The following CSMD3 variants were observed in gnomAD, a reference collection of about 807,000 sequenced individuals.
The protein encoded by CSMD3 is CUB and sushi domain-containing protein 3.
In CSMD3, 177 loss-of-function variants were observed where a neutral mutation model predicts 435.2. That is an observed-to-expected ratio of 0.41 (90% CI 0.36 to 0.46). CSMD3 has a LOEUF of 0.46. Among genes scored for constraint, CSMD3 ranks in the 20% least tolerant of loss-of-function variants. CSMD3 has a pLI of 0.34. For synonymous variants in CSMD3, 1,656 were observed against 1,520.5 expected (o/e 1.09, Z -2.07); for missense variants, 4,265 against 4,504.6 (o/e 0.95, Z 1.52).
intron 10 of CSMD3, among the ~76,000 whole-genome samples, chr8:112,887,198 GTTTT>G (rs200825945): frequency 7.4e-6 from 1 of 135,206 alleles, no homozygotes; most frequent in Non-Finnish European, 1.6e-5. Context: ...ACAATTATTT[GTTTT>G]TTTTTTTTTT....
chr8:112,584,849 A>G (rs765047312), intron 23 of CSMD3, among the ~76,000 whole-genome samples: 25 of 151,482 alleles, frequency 1.7e-4, no homozygotes, highest in Non-Finnish European at 3.5e-4. Context: ...TCGATATTGT[A>G]AAGTACTGGA....
At chr8:113,168,317 G>T (rs1156770936) in intron 4 of CSMD3, among the ~76,000 whole-genome samples, 2 of 151,820 alleles carry the variant, frequency 1.3e-5, no homozygotes, top group Admixed American at 1.3e-4. Context: ...ACGAGGTCAA[G>T]AGATCAAGAC....
At chr8:112,447,088 A>G (rs1404468322) in intron 32 of CSMD3, among the ~76,000 whole-genome samples, 2 of 152,206 alleles carry the variant, frequency 1.3e-5, no homozygotes, top group Admixed American at 6.5e-5. Context: ...AAAATAAAAT[A>G]TAGTAGCAAA....
intron 28 of CSMD3, among the ~76,000 whole-genome samples, chr8:112,512,474 G>A (rs778591039): frequency 3.9e-5 from 6 of 152,092 alleles, no homozygotes; most frequent in East Asian, 1.9e-4. Context: ...CATTTTCAAC[G>A]AGCAGTGATA....
rs552307543 is a variant in CSMD3, at chr8:113,100,393, C to A, written c.710-1430G>T. ...AGTAATCCTGTCCTGCCGTCTCTAC[C>A]CTCAACCATAAATCACTTCTATTCT... On this transcript the variant is annotated intron_variant, in intron 4 of 70. Coordinates refer to ENST00000297405, the MANE Select transcript of CSMD3 (RefSeq NM_198123.2). Among the ~76,000 whole-genome samples the A allele has an allele frequency of 1.3e-4, 20 of 152,110 alleles. No homozygotes were observed. In the South Asian group the frequency reaches 4.1e-3, roughly 32 times the overall value.
chr8:112,946,679 G>C (rs7844427), intron 9 of CSMD3, among the ~76,000 whole-genome samples: 49,504 of 151,488 alleles, frequency 0.33, 8,238 homozygotes, highest in East Asian at 0.42. Flanking sequence ...AATAAAATCA[G>C]TATAACATGT....
intron 12 of CSMD3, among the ~76,000 whole-genome samples, chr8:112,804,654 TA>T (rs377714141): frequency 0.8 from 117,561 of 147,048 alleles, 46,685 homozygotes; most frequent in East Asian, 0.88. Context: ...TCATTGCATT[TA>T]TTTTATTTTA....
In CSMD3 at chr8:112,800,245, A is replaced by AGT; in HGVS notation, c.1888_1889insAC (p.Ile630AsnfsTer2). On this transcript the variant is annotated frameshift_variant, in exon 13 of 71. Transcript: ENST00000297405. LOFTEE classifies it high-confidence loss of function. ...CCACATTTGGCTACTCATGCTCACTATCAAGTCTGGTACAAAGCTTCCAGT... is the reference window on the plus strand; with the variant it reads ...CCACATTTGGCTACTCATGCTCACTAGTTCAAGTCTGGTACAAAGCTTCCAGT... 6.2e-7 allele frequency: 1 copy of AGT among 1,612,736 alleles called. No homozygotes were observed.
At chr8:113,012,951 T>C (rs1242298700) in intron 6 of CSMD3, among the ~76,000 whole-genome samples, 2 of 152,080 alleles carry the variant, frequency 1.3e-5, no homozygotes, top group Non-Finnish European at 2.9e-5. Context: ...TGGTGGGATA[T>C]ATGATTCCCT....
At chr8:112,409,153 T>G in intron 32 of CSMD3, 121 bp from the exon 33 acceptor site, 1 of 1,523,180 alleles carries the variant, frequency 6.6e-7, no homozygotes, top group Non-Finnish European at 8.8e-7. Flanking sequence ...AATAGTCATT[T>G]TTTTTCTACC....
At chr8:112,992,991 C>T (rs1215963459) in intron 6 of CSMD3, among the ~76,000 whole-genome samples, 1 of 151,770 alleles carries the variant, frequency 6.6e-6, no homozygotes, top group African/African-American at 2.4e-5. Flanking sequence ...TATTACAGAG[C>T]TTCTGCACTG....
chr8:113,334,695 T>A (rs970149373), intron 1 of CSMD3, among the ~76,000 whole-genome samples: 1 of 152,106 alleles, frequency 6.6e-6, no homozygotes, highest in African/African-American at 2.4e-5. Flanking sequence ...GTCAGGAGAT[T>A]TCTCTTTTCT....
chr8:113,197,050 T>C (rs539750142), intron 3 of CSMD3, among the ~76,000 whole-genome samples: 10 of 151,276 alleles, frequency 6.6e-5, no homozygotes, highest in East Asian at 1.9e-4. Flanking sequence ...GTACAGGACA[T>C]AAAAAGTGTT....
intron 13 of CSMD3, among the ~76,000 whole-genome samples, chr8:112,754,516 T>C (rs1014445675): frequency 1.3e-5 from 2 of 152,084 alleles, no homozygotes; most frequent in Non-Finnish European, 2.9e-5. Context: ...CAAAAAGGGT[T>C]CTAACAGGAA....
intron 13 of CSMD3, among the ~76,000 whole-genome samples, chr8:112,723,441 A>G (rs940570439): frequency 5.9e-5 from 9 of 152,182 alleles, no homozygotes; most frequent in African/African-American, 2.2e-4. Context: ...ACACTCTTGA[A>G]GGCAGCAAAT....
intron 7 of CSMD3, among the ~76,000 whole-genome samples, chr8:112,973,109 A>G (rs1461714793): frequency 6.6e-6 from 1 of 151,986 alleles, no homozygotes; most frequent in Non-Finnish European, 1.5e-5. Flanking sequence ...AAAAAGTCAG[A>G]TCATGCAGTT....
chr8:112,519,304 T>C (rs1328942594), intron 27 of CSMD3, among the ~76,000 whole-genome samples: 2 of 152,186 alleles, frequency 1.3e-5, no homozygotes, highest in Non-Finnish European at 2.9e-5. Context: ...CTTAACAACC[T>C]TGTTGTCTCA....
intron 19 of CSMD3, 65 bp downstream of exon 19, chr8:112,650,095 AT>A: frequency 8.5e-7 from 1 of 1,176,064 alleles, no homozygotes; most frequent in Non-Finnish European, 1.3e-6. Flanking sequence ...TAAACCCCAT[AT>A]AAAAAACTAC....
At chr8:113,364,804 G>A (rs2094300795) in intron 1 of CSMD3, among the ~76,000 whole-genome samples, 1 of 151,960 alleles carries the variant, frequency 6.6e-6, no homozygotes, top group Admixed American at 6.6e-5. Flanking sequence ...AAAAGTATTA[G>A]CCTAGAAAGA....
Sources: gnomAD v4.1 joint callset for allele counts (sites outside exome capture counted in the v4.1 genomes callset) on GRCh38, gnomAD v4.1.1 for gene constraint, MANE v1.5 for transcripts, NCBI Gene and HGNC (gene_info 2026-07-23, HGNC 2026-07-21) for gene names.